The following PPP1R2B variants were observed in gnomAD, a reference collection of about 807,000 sequenced individuals.
PPP1R2B encodes the protein protein phosphatase inhibitor 2 family member B.
A neutral mutation model predicts 17.6 loss-of-function variants in PPP1R2B; 13 were observed. The observed-to-expected ratio is 0.74, with a 90% confidence interval of 0.48 to 1.17. The LOEUF is 1.17. Among genes scored for constraint, PPP1R2B ranks in the 50% most tolerant of loss-of-function variants. The pLI, the probability that PPP1R2B is intolerant of heterozygous loss-of-function variation, is 0.00. For synonymous variants in PPP1R2B, 105 were observed against 95.4 expected, an observed-to-expected ratio of 1.10 and a Z score of -0.59; for missense variants, 230 against 252.4, an observed-to-expected ratio of 0.91 and a Z score of 0.60.
chr5:156,851,946 C>T lies in PPP1R2B; in HGVS notation c.*766C>T, dbSNP rs377381515. ...AAAATAAATATTCTAATGTAGCTAT[C>T]TCGCCATTCCCTTTAAATACCTGTC... On this transcript the variant is annotated 3_prime_UTR_variant, in exon 1 of 1. Coordinates refer to ENST00000522232, the MANE Select transcript of PPP1R2B (RefSeq NM_206858.3). 2.0e-5 allele frequency: 3 copies of T among 152,616 alleles called. No individual in the cohort carries two copies. The highest frequency in any genetic ancestry group is 7.2e-5 in the African/African-American group (3 of 41,434). 9.5% of individuals were successfully genotyped at this position (152,616 alleles called of 1,614,324 possible).
In PPP1R2B at chr5:156,851,742, C is replaced by T. The variant is rs1758483720; in HGVS notation, c.*562C>T. 6.5e-6 allele frequency: 1 copy of T among 153,102 alleles called. No individual in the cohort carries two copies. Among genetic ancestry groups the T allele is most frequent in the Admixed American group, 6.5e-5 (1 of 15,302 alleles). 9.5% of individuals were successfully genotyped at this position (153,102 alleles called of 1,614,324 possible). On this transcript the variant is annotated 3_prime_UTR_variant, in exon 1 of 1. Transcript: ENST00000522232. ...TACCTTTAAAATTCCTGTTGAGTTT[C>T]TTTGTGTTTACAAGGAAAGGACTGA...
Position 156,850,511 on chromosome 5 carries a change from GCGGACC to G in PPP1R2B, c.-50_-45del. On this transcript the variant is annotated 5_prime_UTR_variant, in exon 1 of 1. Coordinates refer to ENST00000522232, the MANE Select transcript of PPP1R2B (RefSeq NM_206858.3). ...CTCTGCTGTGCCGACCCTTCTCTTC[GCGGACC>G]CCACGCCAAGCAGCGACCCTGAGGC... 1 of 1,559,628 alleles carries G rather than the reference GCGGACC, an allele frequency of 6.4e-7. No individual in the cohort carries two copies. The highest frequency in any genetic ancestry group is 2.4e-5 in the East Asian group (1 of 41,916).
At position 156,851,043 on chromosome 5, in the gene PPP1R2B, A is replaced by G. The variant is rs546120207; in HGVS notation, c.481A>G (p.Ile161Val). 1.4e-4 allele frequency: 227 copies of G among 1,611,160 alleles called. 5 individuals carry two copies. In the South Asian group the frequency reaches 2.3e-3, roughly 17 times the overall value. The part of the protein sequence containing the change: ...GLNIKLARQL[I>V]SKDLHDDDED... ...CAATATCAAACTAGCCAGACAATTAATTTCAAAAGACCTACATGATGATGA... is the reference window on the plus strand; with the variant it reads ...CAATATCAAACTAGCCAGACAATTAGTTTCAAAAGACCTACATGATGATGA... The change falls in exon 1 of 1, where the codon ATT (isoleucine) becomes GTT (valine). Residue 161 changes from isoleucine to valine, a missense_variant. Coordinates refer to ENST00000522232, the MANE Select transcript of PPP1R2B (RefSeq NM_206858.3).
At position 156,850,973 on chromosome 5, in the gene PPP1R2B, G is replaced by A. The variant is rs1370402213; in HGVS notation, c.411G>A (p.Lys137=). The A allele has an allele frequency of 1.2e-6, 2 of 1,613,660 alleles. No individual in the cohort carries two copies. Among genetic ancestry groups the A allele is most frequent in the South Asian group, 2.2e-5 (2 of 91,068 alleles). The change falls in exon 1 of 1, where the codon AAG becomes AAA. Residue 137 remains lysine, a synonymous_variant. Transcript: ENST00000522232. The part of the protein sequence containing the change: ...SDLSPEEREK[K]RQFEMRRKLH... ...TCTCACCTGAAGAACGAGAAAAAAA[G>A]CGACAATTTGAAATGAGAAGGAAGC... is the stretch of plus-strand genomic sequence containing the variant.
Position 156,851,057 on chromosome 5 carries a change from A to G in PPP1R2B, c.495A>G (p.Leu165=). 1 of 1,607,354 alleles carries G rather than the reference A, an allele frequency of 6.2e-7. No individual in the cohort carries two copies. Among genetic ancestry groups the G allele is most frequent in the Non-Finnish European group, 8.5e-7 (1 of 1,173,816 alleles). Reference sequence around the variant, plus strand: ...CCAGACAATTAATTTCAAAAGACCTACATGATGATGATGAAGATGAAGAAA... The same window carrying G: ...CCAGACAATTAATTTCAAAAGACCTGCATGATGATGATGAAGATGAAGAAA... ...KLARQLISKD[L]HDDDEDEEML... is the part of the protein sequence containing the mutation. The change falls in exon 1 of 1, where the codon CTA becomes CTG. Residue 165 remains leucine, a synonymous_variant. Transcript: ENST00000522232.
In PPP1R2B at chr5:156,850,798, T is replaced by C; in HGVS notation, c.236T>C (p.Met79Thr). The part of the protein sequence containing the change: ...DEPSPPYHSM[M>T]GDDEDACRDT... ...CCAAGCCCTCCTTACCATAGTATGA[T>C]GGGTGATGATGAAGATGCGTGTAGG... The change falls in exon 1 of 1, where the codon ATG becomes ACG. Residue 79 changes from methionine to threonine, a missense_variant. Physicochemically the swap from Met to Thr is moderately conservative, Grantham distance 81 (BLOSUM62 -1). Transcript: ENST00000522232. 1 of 1,500,640 alleles carries C rather than the reference T, an allele frequency of 6.7e-7. No homozygotes were observed. The highest frequency in any genetic ancestry group is 9.3e-7 in the Non-Finnish European group (1 of 1,077,510). 93.0% of individuals were successfully genotyped at this position (1,500,640 alleles called of 1,614,324 possible). A position where few individuals can be genotyped will look rare whatever the true frequency, so the allele number is the denominator to read the frequency against.
In PPP1R2B at chr5:156,852,465, T is replaced by C. The variant is rs1758493814; in HGVS notation, c.*1285T>C. 1 of 152,120 alleles carries C rather than the reference T, an allele frequency of 6.6e-6. No individual in the cohort carries two copies. Among genetic ancestry groups the C allele is most frequent in the Admixed American group, 6.5e-5 (1 of 15,274 alleles). The allele number at this position is 152,120 out of a possible 1,614,324, so 9.4% of individuals were successfully genotyped here. ...TAATGTATACTATGACAAATGTACT[T>C]TATTCCTCTAACGCAGTAAGAATTA... is the stretch of plus-strand genomic sequence containing the variant. On this transcript the variant is annotated 3_prime_UTR_variant, in exon 1 of 1. Coordinates refer to ENST00000522232, the MANE Select transcript of PPP1R2B (RefSeq NM_206858.3).
In PPP1R2B at chr5:156,850,619, C is replaced by G. The variant is rs762335403; in HGVS notation, c.57C>G (p.Thr19=). The change falls in exon 1 of 1, where the codon ACC becomes ACG. Residue 19 remains threonine (T), a synonymous_variant. Coordinates refer to ENST00000522232, the MANE Select transcript of PPP1R2B (RefSeq NM_206858.3). ...RPIKGILKNK[T]STTSSMVASA... ...TCAAGGGGATCTTGAAGAACAAGAC[C>G]TCTACGACTTCCTCTATGGTGGCGT... 5.0e-6 allele frequency: 8 copies of G among 1,602,604 alleles called. No individual in the cohort carries two copies. The South Asian group carries it at 7.8e-5, about 16-fold the overall frequency.
At position 156,850,530 on chromosome 5, in the gene PPP1R2B, G is replaced by C. The variant is rs1758462661; in HGVS notation, c.-33G>C. 1.9e-6 allele frequency: 3 copies of C among 1,572,236 alleles called. No homozygotes were observed. Among genetic ancestry groups the C allele is most frequent in the Admixed American group, 3.7e-5 (2 of 53,784 alleles). On this transcript the variant is annotated 5_prime_UTR_variant, in exon 1 of 1. Coordinates refer to ENST00000522232, the MANE Select transcript of PPP1R2B (RefSeq NM_206858.3). Reference sequence around the variant, plus strand: ...CTCTTCGCGGACCCCACGCCAAGCAGCGACCCTGAGGCGACAGCCGGAGCG... The same window carrying C: ...CTCTTCGCGGACCCCACGCCAAGCACCGACCCTGAGGCGACAGCCGGAGCG...
Position 156,851,163 on chromosome 5 carries a change from A to C in PPP1R2B, c.601A>C (p.Lys201Gln), listed in dbSNP as rs1758476668. 2 of 1,571,828 alleles carry C rather than the reference A, an allele frequency of 1.3e-6. No homozygotes were observed. The highest frequency in any genetic ancestry group is 1.7e-5 in the Admixed American group (1 of 59,952). The part of the protein sequence containing the change: ...GSTPSDQQQN[K>Q]LRSS ...TACTCCAAGTGACCAACAGCAAAAC[A>C]AATTACGAAGTTCATAGAAGAGATT... Residue 201 changes from lysine (K) to glutamine (Q), a missense_variant, in exon 1 of 1, where the codon AAA becomes CAA. Coordinates refer to ENST00000522232, the MANE Select transcript of PPP1R2B (RefSeq NM_206858.3).
Position 156,850,620 on chromosome 5 carries a change from T to C in PPP1R2B, c.58T>C (p.Ser20Pro). 1 of 1,602,710 alleles carries C rather than the reference T, an allele frequency of 6.2e-7. No individual in the cohort carries two copies. The highest frequency in any genetic ancestry group is 8.5e-7 in the Non-Finnish European group (1 of 1,173,582). Residue 20 changes from serine to proline, a missense_variant, in exon 1 of 1, where the codon TCT (serine) becomes CCT (proline). Ser to Pro is a moderately conservative substitution (Grantham distance 74). Coordinates refer to ENST00000522232, the MANE Select transcript of PPP1R2B (RefSeq NM_206858.3). Reference sequence around the variant, plus strand: ...CAAGGGGATCTTGAAGAACAAGACCTCTACGACTTCCTCTATGGTGGCGTC... The same window carrying C: ...CAAGGGGATCTTGAAGAACAAGACCCCTACGACTTCCTCTATGGTGGCGTC... ...PIKGILKNKT[S>P]TTSSMVASAE...
At position 156,852,366 on chromosome 5, in the gene PPP1R2B, T is replaced by C. The variant is rs1391870967; in HGVS notation, c.*1186T>C. ...AACCAGTGATATGATTATTCCTGAA[T>C]GTACAGACAGAAGTAAGCCTGGACA... On this transcript the variant is annotated 3_prime_UTR_variant, in exon 1 of 1. Coordinates refer to ENST00000522232, the MANE Select transcript of PPP1R2B (RefSeq NM_206858.3). 1 of 152,150 alleles carries C rather than the reference T, an allele frequency of 6.6e-6. No homozygotes were observed. Among genetic ancestry groups the C allele is most frequent in the Non-Finnish European group, 1.5e-5 (1 of 67,992 alleles). The allele number at this position is 152,150 out of a possible 1,614,324, so 9.4% of individuals were successfully genotyped here.
In PPP1R2B at chr5:156,850,965, G is replaced by GA. The variant is rs754587362; in HGVS notation, c.410dup (p.Arg138AlafsTer4). 3.8e-6 allele frequency: 6 copies of GA among 1,597,316 alleles called. No homozygotes were observed. The highest frequency in any genetic ancestry group is 2.7e-5 in the African/African-American group (2 of 74,180). On this transcript the variant is annotated frameshift_variant, in exon 1 of 1. Coordinates refer to ENST00000522232, the MANE Select transcript of PPP1R2B (RefSeq NM_206858.3). LOFTEE classifies it high-confidence loss of function. ...TAGTGACCTCTCACCTGAAGAACGA[G>GA]AAAAAAAGCGACAATTTGAAATGAG... is the stretch of plus-strand genomic sequence containing the variant.
At position 156,850,660 on chromosome 5, in the gene PPP1R2B, G is replaced by C. The variant is rs762425105; in HGVS notation, c.98G>C (p.Arg33Pro). Residue 33 changes from arginine to proline, a missense_variant, in exon 1 of 1, where the codon CGC becomes CCC. By Grantham distance (103) the Arg-to-Pro change is moderately radical. Transcript: ENST00000522232. ...ATGGTGGCGTCGGCCGAACAGCCCC[G>C]CAGGAGTGTCGACGAGGAGCTGAGC... ...SSMVASAEQP[R>P]RSVDEELSKK... 3 of 1,593,562 alleles carry C rather than the reference G, an allele frequency of 1.9e-6. No homozygotes were observed. In the South Asian group the frequency reaches 3.3e-5, roughly 18 times the overall value.
Position 156,850,640 on chromosome 5 carries a change from G to A in PPP1R2B, c.78G>A (p.Val26=). The A allele has an allele frequency of 6.2e-7, 1 of 1,603,142 alleles. No homozygotes were observed. The highest frequency in any genetic ancestry group is 8.5e-7 in the Non-Finnish European group (1 of 1,171,980). The part of the protein sequence containing the change: ...KNKTSTTSSM[V]ASAEQPRRSV... Reference sequence around the variant, plus strand: ...AGACCTCTACGACTTCCTCTATGGTGGCGTCGGCCGAACAGCCCCGCAGGA... The same window carrying A: ...AGACCTCTACGACTTCCTCTATGGTAGCGTCGGCCGAACAGCCCCGCAGGA... The change falls in exon 1 of 1, where the codon GTG becomes GTA. Residue 26 remains valine (V), a synonymous_variant. Transcript: ENST00000522232.
rs1758480362 is a variant in PPP1R2B at position 156,851,503 on chromosome 5, G to T, written c.*323G>T. The T allele has an allele frequency of 2.8e-6, 1 of 355,310 alleles. No homozygotes were observed. The highest frequency in any genetic ancestry group is 5.0e-6 in the Non-Finnish European group (1 of 198,454). 22.0% of individuals were successfully genotyped at this position (355,310 alleles called of 1,614,324 possible). On this transcript the variant is annotated 3_prime_UTR_variant, in exon 1 of 1. Transcript: ENST00000522232. The stretch of plus-strand genomic sequence containing the variant: ...GCTTTAGAAGTTAAGCAATATCTTT[G>T]GGGGGGAACTAATTTATTTTCATCA...
Position 156,851,121 on chromosome 5 carries a change from G to T in PPP1R2B, c.559G>T (p.Glu187Ter), listed in dbSNP as rs527712237. The T allele has an allele frequency of 1.3e-6, 2 of 1,592,476 alleles. No homozygotes were observed. The highest frequency in any genetic ancestry group is 1.7e-6 in the Non-Finnish European group (2 of 1,160,452). The part of the protein sequence containing the change: ...TADGESMNTE[E>*]SNQGSTPSDQ... ...AGATGGAGAAAGCATGAATACGGAA[G>T]AATCAAATCAAGGATCTACTCCAAG... Residue 187 changes from glutamate (E) to a stop codon, truncating the protein, a stop_gained, in exon 1 of 1, where the codon GAA becomes TAA. Transcript: ENST00000522232. LOFTEE classifies it high-confidence loss of function.
At position 156,850,873 on chromosome 5, in the gene PPP1R2B, TAGC is replaced by T; in HGVS notation, c.312_314del (p.Leu104_Ala105delinsPhe). On this transcript the variant is annotated inframe_deletion, in exon 1 of 1. Transcript: ENST00000522232. Reference sequence around the variant, plus strand: ...GCGCCAGACATCCTAGCCAAGAAATTAGCTGCTGCTGAAGGCTTGGAGCCAAAG... The same window carrying T: ...GCGCCAGACATCCTAGCCAAGAAATTTGCTGCTGAAGGCTTGGAGCCAAAG... 1.3e-6 allele frequency: 2 copies of T among 1,595,762 alleles called. No homozygotes were observed. Among genetic ancestry groups the T allele is most frequent in the Non-Finnish European group, 1.7e-6 (2 of 1,166,046 alleles).
chr5:156,850,633 C>G lies in PPP1R2B; in HGVS notation c.71C>G (p.Ser24Cys), dbSNP rs751709428. ...AAGAACAAGACCTCTACGACTTCCT[C>G]TATGGTGGCGTCGGCCGAACAGCCC... ...ILKNKTSTTS[S>C]MVASAEQPRR... Residue 24 changes from serine to cysteine, a missense_variant, in exon 1 of 1, where the codon TCT becomes TGT. Physicochemically the swap from Ser to Cys is moderately radical, Grantham distance 112 (BLOSUM62 -1). Transcript: ENST00000522232. The G allele has an allele frequency of 6.2e-7, 1 of 1,604,342 alleles. No homozygotes were observed. Among genetic ancestry groups the G allele is most frequent in the Non-Finnish European group, 8.5e-7 (1 of 1,173,554 alleles).
Sources: gnomAD v4.1 joint callset for allele counts on GRCh38, gnomAD v4.1.1 for gene constraint, MANE v1.5 for transcripts, NCBI Gene and HGNC (gene_info 2026-07-23, HGNC 2026-07-21) for gene names.